NAALADL2: variants seen among roughly 807,000 people sequenced by gnomAD.
NAALADL2 encodes N-acetylated alpha-linked acidic dipeptidase like 2, also known as inactive N-acetylated-alpha-linked acidic dipeptidase-like protein 2.
Under a neutral mutation model 87.2 loss-of-function variants are expected in NAALADL2, and 76 were observed. The observed-to-expected ratio is 0.87, with a 90% CI of 0.72 to 1.05. The LOEUF (loss-of-function observed/expected upper bound fraction) is 1.05. Ranked by LOEUF, NAALADL2 falls within the 50% of genes least tolerant of loss-of-function variation. The pLI is 0.00. For missense variants in NAALADL2, 1,089 were observed against 945.8 expected (o/e 1.15, Z -1.99); for synonymous variants, 354 against 331.0 (o/e 1.07, Z -0.75).
At chr3:174,499,222 G>A (rs994534240) in intron 1 of NAALADL2, among the ~76,000 whole-genome samples, 3 of 152,056 alleles carry the variant, frequency 2.0e-5, no homozygotes, top group African/African-American at 7.2e-5. Flanking sequence ...TTGATGAAAT[G>A]TCTGTTTAAA....
intron 1 of NAALADL2, among the ~76,000 whole-genome samples, chr3:174,890,663 A>G (rs1730755339): frequency 6.6e-6 from 1 of 152,188 alleles, no homozygotes; most frequent in East Asian, 1.9e-4. Context: ...TAGCTAAGAA[A>G]AGTCCAAAAA....
chr3:175,210,188 G>T (rs896018173), intron 2 of NAALADL2, among the ~76,000 whole-genome samples: 1 of 151,636 alleles, frequency 6.6e-6, no homozygotes, highest in African/African-American at 2.4e-5. Context: ...AATCTGAATG[G>T]CTAAACAAAA....
At chr3:174,623,896 T>C (rs993340522) in intron 2 of NAALADL2, among the ~76,000 whole-genome samples, 1 of 152,010 alleles carries the variant, frequency 6.6e-6, no homozygotes, top group African/African-American at 2.4e-5. Flanking sequence ...TAAAACCTTA[T>C]AAAGTGCAAT....
intron 1 of NAALADL2, among the ~76,000 whole-genome samples, chr3:174,902,440 AG>A (rs1360358668): frequency 6.6e-6 from 1 of 152,058 alleles, no homozygotes; most frequent in African/African-American, 2.4e-5. Context: ...CATAAAAGAA[AG>A]GGGGGTGGGG....
rs575608099 is a variant in NAALADL2 at position 175,250,382 on chromosome 3, A to G, written c.820-6029A>G. On this transcript the variant is annotated intron_variant, in intron 3 of 13. Transcript: ENST00000454872. ...AGAAACCTAATTGGCTAGCACCTTGATCTTGAATTCTTAGCCTCCATAACT... is the reference window on the plus strand; with the variant it reads ...AGAAACCTAATTGGCTAGCACCTTGGTCTTGAATTCTTAGCCTCCATAACT... Among the ~76,000 whole-genome samples, 22 of 151,958 alleles carry G rather than the reference A, an allele frequency of 1.4e-4. No individual in the cohort carries two copies. In the South Asian group the frequency reaches 3.7e-3, roughly 26 times the overall value.
intron 2 of NAALADL2, among the ~76,000 whole-genome samples, chr3:175,158,292 C>T (rs1191322527): frequency 1.3e-5 from 2 of 151,962 alleles, no homozygotes; most frequent in Admixed American, 6.6e-5. Context: ...ATTTCTATTT[C>T]AAAATAAGAC....
At chr3:175,482,414 G>A (rs1210207635) in intron 9 of NAALADL2, among the ~76,000 whole-genome samples, 5 of 151,672 alleles carry the variant, frequency 3.3e-5, no homozygotes, top group African/African-American at 1.2e-4. Context: ...AGCTTTTTAA[G>A]TAACTAAAGC....
chr3:175,410,939 A>G (rs1031958144), intron 5 of NAALADL2, among the ~76,000 whole-genome samples: 1 of 152,218 alleles, frequency 6.6e-6, no homozygotes, highest in African/African-American at 2.4e-5. Flanking sequence ...TGGGATAGAC[A>G]TCACAATAAG....
intron 13 of NAALADL2, among the ~76,000 whole-genome samples, chr3:175,789,960 A>T (rs778519339): frequency 6.6e-6 from 1 of 152,132 alleles, no homozygotes; most frequent in African/African-American, 2.4e-5. Context: ...GTTTAAACAC[A>T]TAGTGACAAC....
chr3:174,446,887 A>C (rs1378584750), intron 1 of NAALADL2, among the ~76,000 whole-genome samples: 3 of 152,108 alleles, frequency 2.0e-5, no homozygotes, highest in Non-Finnish European at 4.4e-5. Flanking sequence ...ATCTTCTTGG[A>C]TGGAGGGATC....
At chr3:174,626,986 A>G (rs942734561) in intron 2 of NAALADL2, among the ~76,000 whole-genome samples, 2 of 152,066 alleles carry the variant, frequency 1.3e-5, no homozygotes, top group African/African-American at 4.8e-5. Flanking sequence ...ATTAACACCC[A>G]TTGTCCTATA....
At chr3:174,785,932 A>C (rs537541301) in intron 3 of NAALADL2, among the ~76,000 whole-genome samples, 4 of 152,214 alleles carry the variant, frequency 2.6e-5, no homozygotes, top group Non-Finnish European at 5.9e-5. Flanking sequence ...GGTTATTCTC[A>C]GTTGATATTG....
chr3:175,378,246 G>T (rs536333629), intron 5 of NAALADL2, among the ~76,000 whole-genome samples: 6 of 152,298 alleles, frequency 3.9e-5, no homozygotes, highest in Admixed American at 3.3e-4. Flanking sequence ...CCCACAAGGG[G>T]TGGAGCAAAG....
At position 175,529,935 on chromosome 3, in the gene NAALADL2, G is replaced by A. The variant is rs187515456; in HGVS notation, c.1654-46106G>A. Among the ~76,000 whole-genome samples the A allele has an allele frequency of 3.0e-3, 459 of 152,188 alleles. 2 individuals carry two copies. Among genetic ancestry groups the A allele is most frequent in the African/African-American group, 9.7e-3 (404 of 41,500 alleles). ...GAAGAGGTCCAATATAATCAACCTG[G>A]CACCAGGTAGCTAATTGATCACCCC... On this transcript the variant is annotated intron_variant, in intron 9 of 13. Coordinates refer to ENST00000454872, the MANE Select transcript of NAALADL2 (RefSeq NM_207015.3).
intron 2 of NAALADL2, among the ~76,000 whole-genome samples, chr3:175,177,720 C>G (rs537072912): frequency 6.6e-6 from 1 of 152,188 alleles, no homozygotes; most frequent in African/African-American, 2.4e-5. Flanking sequence ...AACCACTCCT[C>G]TAAATATTTT....
intron 11 of NAALADL2, among the ~76,000 whole-genome samples, chr3:175,634,680 G>A (rs942879166): frequency 1.3e-5 from 2 of 151,796 alleles, no homozygotes; most frequent in Non-Finnish European, 2.9e-5. Flanking sequence ...CTGTCTTCTA[G>A]GTATCTCTAA....
intron 3 of NAALADL2, among the ~76,000 whole-genome samples, chr3:174,838,504 C>G (rs1723632095): frequency 6.6e-6 from 1 of 152,088 alleles, no homozygotes; most frequent in Non-Finnish European, 1.5e-5. Flanking sequence ...AGCAATCAGA[C>G]AAGAGAAGGA....
At chr3:174,707,578 T>C (rs1471360232) in intron 2 of NAALADL2, among the ~76,000 whole-genome samples, 2 of 138,600 alleles carry the variant, frequency 1.4e-5, no homozygotes, top group Non-Finnish European at 3.0e-5. Flanking sequence ...TTCTCACTCA[T>C]AGGTGGGAAT....
chr3:175,791,548 A>T (rs912868157), intron 13 of NAALADL2, among the ~76,000 whole-genome samples: 2 of 152,176 alleles, frequency 1.3e-5, no homozygotes, highest in African/African-American at 2.4e-5. Context: ...GTGGCAGAGC[A>T]GAAGTAGAGG....
Sources: allele counts gnomAD v4.1 joint callset (sites outside exome capture counted in the v4.1 genomes callset), GRCh38; gene constraint gnomAD v4.1.1; transcripts MANE v1.5; gene names NCBI Gene and HGNC (gene_info 2026-07-23, HGNC 2026-07-21).